The following CCND3 variants were observed in gnomAD, a reference collection of about 807,000 sequenced individuals.
CCND3 encodes the protein cyclin D3, also known as G1/S-specific cyclin-D3.
CCND3 carries 9 observed loss-of-function variants against 28.7 expected under a neutral mutation model. That is an observed-to-expected ratio of 0.31 (90% CI 0.19 to 0.55). The LOEUF is 0.55. CCND3 is among the 20% of genes least tolerant of loss of function. The pLI is 0.93. For missense variants in CCND3, 315 were observed against 385.8 expected (o/e 0.82, Z 1.54); for synonymous variants, 164 against 163.9 (o/e 1.00, Z 0.00).
chr6:41,988,434 A>G (rs999078204), intron 1 of CCND3, among the ~76,000 whole-genome samples: 2 of 152,122 alleles, frequency 1.3e-5, no homozygotes, highest in African/African-American at 2.4e-5. Context: ...AGTTATTACA[A>G]TTCTTTTAAG....
At chr6:42,016,568 T>C (rs922442665) in intron 1 of CCND3, among the ~76,000 whole-genome samples, 3 of 148,782 alleles carry the variant, frequency 2.0e-5, no homozygotes, top group African/African-American at 7.4e-5. Context: ...GCTTGATAAA[T>C]GTTAGCTGCT....
chr6:41,954,499 G>A (rs1313787294), intron 1 of CCND3, among the ~76,000 whole-genome samples: 7 of 150,724 alleles, frequency 4.6e-5, no homozygotes, highest in South Asian at 2.1e-4. Flanking sequence ...TGCGGTGAGC[G>A]GAGAATAGCG....
At chr6:42,015,586 T>G (rs760858552) in intron 1 of CCND3, among the ~76,000 whole-genome samples, 27 of 152,034 alleles carry the variant, frequency 1.8e-4, no homozygotes, top group Non-Finnish European at 3.1e-4. Flanking sequence ...GGCATGCACC[T>G]GTAGTCCCAG....
At chr6:42,025,706 C>T (rs573516184) in intron 1 of CCND3, among the ~76,000 whole-genome samples, 69 of 152,258 alleles carry the variant, frequency 4.5e-4, no homozygotes, top group Middle Eastern at 3.4e-3. Flanking sequence ...TCCCTTAGGG[C>T]CTTTTGGGCT....
chr6:41,950,976 G>A (rs1051542240), intron 1 of CCND3, among the ~76,000 whole-genome samples: 3 of 151,988 alleles, frequency 2.0e-5, no homozygotes, highest in African/African-American at 7.2e-5. Context: ...CCAAAGTGCT[G>A]GGATTACAGG....
chr6:41,988,560 G>A (rs1582136047), intron 1 of CCND3, among the ~76,000 whole-genome samples: 1 of 152,138 alleles, frequency 6.6e-6, no homozygotes, highest in East Asian at 1.9e-4. Context: ...AAAGGAGTAC[G>A]GATTTCCTAC....
chr6:42,000,234 CTTTTTTTTTTTTT>C lies in CCND3; in HGVS notation c.-46+48254_-46+48266del, dbSNP rs70987562. Among the ~76,000 whole-genome samples, 6 of 51,010 alleles carry C rather than the reference CTTTTTTTTTTTTT, an allele frequency of 1.2e-4. No homozygotes were observed. The East Asian group carries it at 2.4e-3, about 21-fold the overall frequency. 33.5% of individuals were successfully genotyped at this position (51,010 alleles called of 152,430 possible). On this transcript the variant is annotated intron_variant, in intron 1 of 4. Coordinates refer to the CCND3 transcript ENST00000372988. ...AGTCTCGTGGAAATTTGAAAACATACTTTTTTTTTTTTTTTTTTTTTTTTTTTGGGACAGAGTC... is the reference window on the plus strand; with the variant it reads ...AGTCTCGTGGAAATTTGAAAACATACTTTTTTTTTTTTTTGGGACAGAGTC...
chr6:41,979,892 C>A (rs1320261741), intron 1 of CCND3, among the ~76,000 whole-genome samples: 2 of 151,456 alleles, frequency 1.3e-5, no homozygotes, highest in East Asian at 3.9e-4. Flanking sequence ...TGCCTCGGCC[C>A]CCTAGAGTGC....
intron 1 of CCND3, among the ~76,000 whole-genome samples, chr6:41,969,960 T>C (rs951048138): frequency 6.6e-6 from 1 of 152,134 alleles, no homozygotes; most frequent in Non-Finnish European, 1.5e-5. Context: ...TAGTCCCAGC[T>C]ACTTGGGCGG....
chr6:42,043,830 C>T (rs907893666), intron 1 of CCND3, among the ~76,000 whole-genome samples: 3 of 152,190 alleles, frequency 2.0e-5, no homozygotes, highest in African/African-American at 4.8e-5. Context: ...TACCAGCAAC[C>T]GTCTCCTTCC....
rs1582086177 is a variant in CCND3 at position 41,939,674 on chromosome 6, A to G, written c.414+696T>C. ...ATCACATCGGAAGCAGATGCAGCTC[A>G]CCTCCCTGTCTGTCCCTCAGCTTGG... On this transcript the variant is annotated intron_variant, in intron 2 of 4. Transcript: ENST00000372991. The surrounding 1 kb of genome is among the most constrained non-coding windows in gnomAD (Gnocchi z 4.2). Among the ~76,000 whole-genome samples, 1 of 151,856 alleles carries G rather than the reference A, an allele frequency of 6.6e-6. No homozygotes were observed.
intron 1 of CCND3, among the ~76,000 whole-genome samples, chr6:41,950,167 T>G (rs1462839931): frequency 6.6e-6 from 1 of 152,032 alleles, no homozygotes; most frequent in Non-Finnish European, 1.5e-5. Context: ...GTCTGGGTTC[T>G]GAATAAATGA....
chr6:41,945,189 A>G (rs1391244121), upstream of CCND3, among the ~76,000 whole-genome samples: 1 of 151,996 alleles, frequency 6.6e-6, no homozygotes, highest in Non-Finnish European at 1.5e-5. Flanking sequence ...GGAAAGATAC[A>G]TTTTCTTTCT....
chr6:41,962,941 C>T (rs1300701817), intron 1 of CCND3, among the ~76,000 whole-genome samples: 3 of 152,126 alleles, frequency 2.0e-5, no homozygotes, highest in Admixed American at 6.6e-5. Flanking sequence ...TTAGTAGAGA[C>T]GGGGTTTCAC....
intron 1 of CCND3, among the ~76,000 whole-genome samples, chr6:41,965,415 G>A (rs997263861): frequency 6.6e-6 from 1 of 152,062 alleles, no homozygotes; most frequent in African/African-American, 2.4e-5. Flanking sequence ...GCCCAGCTAG[G>A]ATGTGAACTC....
At chr6:41,937,676 T>G (rs1775853404) in intron 2 of CCND3, 1 of 454,750 alleles carries the variant, frequency 2.2e-6, no homozygotes, top group Non-Finnish European at 4.0e-6. Flanking sequence ...AAGGGGCCAA[T>G]AATCCAGGCC....
chr6:42,036,306 TTATA>T (rs566638387), intron 1 of CCND3, among the ~76,000 whole-genome samples: 1 of 130,678 alleles, frequency 7.7e-6, no homozygotes, highest in Non-Finnish European at 1.6e-5. Flanking sequence ...AAATTATTAT[TTATA>T]TATATATATA....
chr6:42,043,504 C>A (rs112099977), intron 1 of CCND3, among the ~76,000 whole-genome samples: 1 of 152,158 alleles, frequency 6.6e-6, no homozygotes, highest in Non-Finnish European at 1.5e-5. Flanking sequence ...GCACTCCAGC[C>A]GGGGCGACAG....
At position 41,972,323 on chromosome 6, in the gene CCND3, T is replaced by C. The variant is rs180749191; in HGVS notation, c.-45-31738A>G. ...TAAGTGAGCCCATTCTGTATACACA[T>C]AATTCAGCTAACTGAATGTGTTCTT... On this transcript the variant is annotated intron_variant, in intron 1 of 4. Coordinates refer to the CCND3 transcript ENST00000372988. Among the ~76,000 whole-genome samples, 167 of 152,190 alleles carry C rather than the reference T, an allele frequency of 1.1e-3. 2 individuals carry two copies. Among genetic ancestry groups the C allele is most frequent in the Non-Finnish European group, 4.1e-4 (28 of 67,986 alleles).
Sources: allele counts gnomAD v4.1 joint callset (sites outside exome capture counted in the v4.1 genomes callset), GRCh38; gene constraint gnomAD v4.1.1; non-coding constraint Gnocchi (gnomAD v3.1); transcripts MANE v1.5; gene names NCBI Gene and HGNC (gene_info 2026-07-23, HGNC 2026-07-21).